The following TMPRSS7 variants were observed in gnomAD, a reference collection of about 807,000 sequenced individuals.
TMPRSS7 encodes transmembrane serine protease 7, also known as transmembrane protease serine 7.
TMPRSS7 carries 81 observed loss-of-function variants against 95.6 expected under a neutral mutation model. That is an observed-to-expected ratio of 0.85 (90% CI 0.71 to 1.02). The LOEUF is 1.02. Ranked by LOEUF, TMPRSS7 falls within the 50% of genes least tolerant of loss-of-function variation. The pLI, the probability that TMPRSS7 is intolerant of heterozygous loss-of-function variation, is 0.00. For synonymous variants in TMPRSS7, 364 were observed against 337.8 expected (o/e 1.08, Z -0.85); for missense variants, 945 against 955.2 (o/e 0.99, Z 0.14).
In TMPRSS7 at chr3:112,074,421, A is replaced by G. The variant is rs368517173; in HGVS notation, c.1783+9A>G. 6.3e-7 allele frequency: 1 copy of G among 1,590,670 alleles called. No individual in the cohort carries two copies. Among genetic ancestry groups the G allele is most frequent in the Non-Finnish European group, 8.6e-7 (1 of 1,160,332 alleles). ...TGATGAAGAAGGCTGCAGTAAGTAGAAATTCATTCCTTTGGGTTCCTGTAT... is the reference window on the plus strand; with the variant it reads ...TGATGAAGAAGGCTGCAGTAAGTAGGAATTCATTCCTTTGGGTTCCTGTAT... On this transcript the variant is annotated intron_variant, in intron 14 of 17. Transcript: ENST00000452346.
chr3:112,055,853 C>A (rs1184812230), intron 9 of TMPRSS7, among the ~76,000 whole-genome samples: 3 of 152,130 alleles, frequency 2.0e-5, no homozygotes, highest in African/African-American at 7.2e-5. Flanking sequence ...AACAAAACAG[C>A]AGTAATACTC....
chr3:112,037,492 C>A (rs903228691), intron 1 of TMPRSS7, among the ~76,000 whole-genome samples: 2 of 152,200 alleles, frequency 1.3e-5, no homozygotes, highest in Non-Finnish European at 2.9e-5. Context: ...GTGTGCCCAG[C>A]AGGATGTGGA....
At chr3:112,070,415 T>C (rs528043211) in intron 13 of TMPRSS7, among the ~76,000 whole-genome samples, 11 of 152,336 alleles carry the variant, frequency 7.2e-5, no homozygotes, top group African/African-American at 2.6e-4. Flanking sequence ...ATCTGTCTAA[T>C]ATTGACAGTG....
chr3:112,061,016 A>C (rs1377225020), intron 10 of TMPRSS7, among the ~76,000 whole-genome samples: 1 of 152,104 alleles, frequency 6.6e-6, no homozygotes, highest in Non-Finnish European at 1.5e-5. Context: ...CTGACTTCCC[A>C]CAACAATTAC....
At chr3:112,047,079 T>C in intron 6 of TMPRSS7, 67 bp downstream of exon 6, 1 of 695,368 alleles carries the variant, frequency 1.4e-6, no homozygotes, top group Non-Finnish European at 2.6e-6. Context: ...ATTTTCATTT[T>C]CTAATTGATG....
intron 1 of TMPRSS7, among the ~76,000 whole-genome samples, chr3:112,035,491 T>G (rs550322821): frequency 1.3e-5 from 2 of 151,340 alleles, no homozygotes; most frequent in South Asian, 4.1e-4. Context: ...TGGCCACGTA[T>G]TATCCCATTA....
At chr3:112,064,325 G>C (rs184362015) in intron 12 of TMPRSS7, among the ~76,000 whole-genome samples, 35 of 148,968 alleles carry the variant, frequency 2.3e-4, no homozygotes, top group Non-Finnish European at 4.4e-4. Context: ...GTAAATAAAA[G>C]AGAACGGGTT....
intron 17 of TMPRSS7, among the ~76,000 whole-genome samples, chr3:112,079,142 C>T (rs2107765934): frequency 6.6e-6 from 1 of 152,302 alleles, no homozygotes; most frequent in African/African-American, 2.4e-5. Flanking sequence ...CATCATTCTG[C>T]CATAATTTTC....
chr3:112,057,022 C>G lies in TMPRSS7; in HGVS notation c.1204-3C>G, dbSNP rs542592964. 6.3e-7 allele frequency: 1 copy of G among 1,584,084 alleles called. No individual in the cohort carries two copies. Among genetic ancestry groups the G allele is most frequent in the Admixed American group, 1.7e-5 (1 of 57,246 alleles). On this transcript the variant is annotated splice_polypyrimidine_tract_variant and splice_region_variant and intron_variant, in intron 9 of 17. Transcript: ENST00000452346. ...TTTTCTGACTTAATGTTTATTTTCA[C>G]AGACTTCTCTATCAACTCTTGGCAT...
exon 16 of TMPRSS7, chr3:112,077,051 C>G (rs766122522): frequency 6.2e-7 from 1 of 1,614,236 alleles, no homozygotes; most frequent in Non-Finnish European, 8.5e-7. Context: ...CCTGAAACAG[C>G]TCATTCAGCC....
At chr3:112,042,978 A>G (rs2073228447) in intron 3 of TMPRSS7, 1 of 455,434 alleles carries the variant, frequency 2.2e-6, no homozygotes, top group Non-Finnish European at 4.4e-6. Flanking sequence ...GCTGTGTAGA[A>G]TGAGGAAAGG....
At chr3:112,047,875 C>G (rs932451367) in exon 7 of TMPRSS7, 2 of 1,614,090 alleles carry the variant, frequency 1.2e-6, no homozygotes, top group Non-Finnish European at 1.7e-6. Context: ...GTCTCTCAAT[C>G]AAGTCCATCC....
rs191503268 is a variant in TMPRSS7, at chr3:112,062,053, T to G, written c.1447+130T>G. The G allele has an allele frequency of 7.8e-4, 340 of 436,842 alleles. 3 individuals are homozygous for G. The highest frequency in any genetic ancestry group is 2.5e-4 in the Non-Finnish European group (71 of 283,146). 27.1% of individuals were successfully genotyped at this position (436,842 alleles called of 1,614,324 possible). ...CTGCTATTTCCTTTTACATACTTAT[T>G]TCTATAATAAATAATAATTATAAAA... On this transcript the variant is annotated intron_variant, in intron 11 of 17. Coordinates refer to ENST00000452346, the Ensembl canonical transcript of TMPRSS7.
chr3:112,047,763 A>G (rs775313094), exon 7 of TMPRSS7: 19 of 1,613,698 alleles, frequency 1.2e-5, no homozygotes, highest in Middle Eastern at 1.6e-4. Flanking sequence ...CAGTACTTCT[A>G]TGCAGAGCAT....
Position 112,059,201 on chromosome 3 carries a change from T to C in TMPRSS7, c.1310+2070T>C, listed in dbSNP as rs114747764. On this transcript the variant is annotated intron_variant, in intron 10 of 17. Transcript: ENST00000452346. ...AAAGATTTAGCAGGACAGAACTGCT[T>C]TGGTGTGCTAGAGTTTAGCATCAGG... 4.6e-3 allele frequency among the ~76,000 whole-genome samples: 693 copies of C among 152,300 alleles called. 7 individuals are homozygous for C. Among genetic ancestry groups the C allele is most frequent in the African/African-American group, 0.016 (659 of 41,570 alleles).
chr3:112,059,379 T>C (rs1342255915), intron 10 of TMPRSS7, among the ~76,000 whole-genome samples: 1 of 152,184 alleles, frequency 6.6e-6, no homozygotes, highest in Non-Finnish European at 1.5e-5. Flanking sequence ...GTTTTAAAAC[T>C]CATTTCACAA....
intron 16 of TMPRSS7, 41 bp downstream of exon 16, chr3:112,077,185 G>A (rs2107764481): frequency 1.3e-6 from 2 of 1,597,566 alleles, no homozygotes; most frequent in East Asian, 2.2e-5. Flanking sequence ...CCCCTGCAGA[G>A]GATGATAAGG....
intron 14 of TMPRSS7, among the ~76,000 whole-genome samples, chr3:112,074,721 A>G (rs1284059674): frequency 2.0e-5 from 3 of 152,010 alleles, no homozygotes; most frequent in Non-Finnish European, 2.9e-5. Context: ...TAGAAACTGG[A>G]ACGCAGTGGA....
exon 2 of TMPRSS7, chr3:112,038,136 T>G: frequency 1.4e-6 from 1 of 702,816 alleles, no homozygotes; most frequent in Non-Finnish European, 2.6e-6. Flanking sequence ...CGACCACCGT[T>G]GCCAGGGAGA....
Sources: gnomAD v4.1 joint callset for allele counts (sites outside exome capture counted in the v4.1 genomes callset) on GRCh38, gnomAD v4.1.1 for gene constraint, MANE v1.5 for transcripts, NCBI Gene and HGNC (gene_info 2026-07-23, HGNC 2026-07-21) for gene names.